Variants in DLGAP2 observed in about 807,000 individuals in gnomAD.
DLGAP2 encodes the protein DLG associated protein 2, also known as disks large-associated protein 2.
In DLGAP2, 26 loss-of-function variants were observed where a neutral mutation model predicts 100.3. That is an observed-to-expected ratio of 0.26 (90% CI 0.19 to 0.36). DLGAP2 has a LOEUF of 0.36. Ranked by LOEUF, DLGAP2 falls within the 10% of genes least tolerant of loss-of-function variation. DLGAP2 has a pLI of 1.00. For missense variants in DLGAP2, 1,858 were observed against 1,453.2 expected (o/e 1.28, Z -4.53); for synonymous variants, 886 against 630.1 (o/e 1.41, Z -6.08).
chr8:1,197,506 G>A (rs775239740), intron 2 of DLGAP2, among the ~76,000 whole-genome samples: 17 of 152,232 alleles, frequency 1.1e-4, no homozygotes, highest in African/African-American at 1.7e-4. Context: ...ACATGGATGC[G>A]GAGCAGCTGG....
intron 3 of DLGAP2, among the ~76,000 whole-genome samples, chr8:1,329,642 G>T (rs1025418645): frequency 1.3e-5 from 2 of 152,106 alleles, no homozygotes; most frequent in Non-Finnish European, 2.9e-5. Flanking sequence ...ATGAACATGG[G>T]CCCTAAGTGA....
At chr8:1,512,439 C>T (rs572314193) in intron 4 of DLGAP2, among the ~76,000 whole-genome samples, 12 of 152,252 alleles carry the variant, frequency 7.9e-5, no homozygotes, top group African/African-American at 2.4e-4. Flanking sequence ...GGGTGTCAGC[C>T]GTGGGTGTGG....
At chr8:1,150,182 A>T (rs901187332) in intron 2 of DLGAP2, among the ~76,000 whole-genome samples, 2 of 152,046 alleles carry the variant, frequency 1.3e-5, no homozygotes, top group Non-Finnish European at 2.9e-5. Flanking sequence ...AATTCTCTCA[A>T]TTTTTGTTTG....
chr8:1,278,046 C>T (rs945359542), intron 3 of DLGAP2, among the ~76,000 whole-genome samples: 1 of 152,172 alleles, frequency 6.6e-6, no homozygotes, highest in East Asian at 1.9e-4. Flanking sequence ...TCTCAGTAGT[C>T]TCTTGCAATT....
At chr8:1,504,575 C>T (rs901779296) in intron 4 of DLGAP2, among the ~76,000 whole-genome samples, 1 of 152,178 alleles carries the variant, frequency 6.6e-6, no homozygotes, top group Non-Finnish European at 1.5e-5. Flanking sequence ...CTCTGTTGAC[C>T]ACTGTTCTAC....
At chr8:779,119 AC>A (rs1342561579) in intron 1 of DLGAP2, among the ~76,000 whole-genome samples, 1 of 152,118 alleles carries the variant, frequency 6.6e-6, no homozygotes, top group African/African-American at 2.4e-5. Context: ...GCCGTCCGTC[AC>A]CCCTTTCTTT....
intron 2 of DLGAP2, among the ~76,000 whole-genome samples, chr8:977,959 A>G (rs56127110): frequency 0.023 from 172 of 7,498 alleles, 3 homozygotes; most frequent in African/African-American, 0.067. Flanking sequence ...TGCAGTGAGG[A>G]GCTGGGTTCT....
chr8:1,669,464 C>G (rs868679734), intron 9 of DLGAP2, among the ~76,000 whole-genome samples: 1 of 152,236 alleles, frequency 6.6e-6, no homozygotes, highest in Admixed American at 6.5e-5. Context: ...ATCTGGCGGA[C>G]GTGGTTGAGC....
chr8:1,198,484 C>T (rs570122076), intron 2 of DLGAP2, among the ~76,000 whole-genome samples: 2 of 152,116 alleles, frequency 1.3e-5, no homozygotes, highest in East Asian at 3.9e-4. Flanking sequence ...GGAGCCAGGG[C>T]CTGTGGTCCA....
chr8:836,204 G>A (rs1401584239), intron 1 of DLGAP2, among the ~76,000 whole-genome samples: 2 of 152,130 alleles, frequency 1.3e-5, no homozygotes, highest in Non-Finnish European at 2.9e-5. Context: ...CCGGGGACTC[G>A]GCCGGAAAGC....
intron 2 of DLGAP2, among the ~76,000 whole-genome samples, chr8:1,252,733 C>A (rs748896400): frequency 7.2e-5 from 11 of 152,244 alleles, no homozygotes; most frequent in Non-Finnish European, 1.3e-4. Context: ...GCCAGGCAGG[C>A]CTGCTGTCAT....
At chr8:1,065,663 C>A (rs1484998380) in intron 2 of DLGAP2, among the ~76,000 whole-genome samples, 1 of 152,182 alleles carries the variant, frequency 6.6e-6, no homozygotes, top group African/African-American at 2.4e-5. Flanking sequence ...TTATGCTCGT[C>A]TTCCTTCCAA....
chr8:847,234 C>T (rs1797087701), intron 1 of DLGAP2, among the ~76,000 whole-genome samples: 1 of 152,092 alleles, frequency 6.6e-6, no homozygotes, highest in Non-Finnish European at 1.5e-5. Context: ...TGAACTTTTC[C>T]ATATTATCTT....
chr8:818,679 G>T (rs1178693599), intron 1 of DLGAP2, among the ~76,000 whole-genome samples: 1 of 152,168 alleles, frequency 6.6e-6, no homozygotes, highest in African/African-American at 2.4e-5. Flanking sequence ...CTGTTTAAAA[G>T]AACATGTGCA....
chr8:1,276,389 T>G (rs955961280), intron 3 of DLGAP2, among the ~76,000 whole-genome samples: 6 of 152,068 alleles, frequency 3.9e-5, no homozygotes, highest in African/African-American at 1.2e-4. Flanking sequence ...TGGAACCGTT[T>G]TGGATCTTGG....
intron 3 of DLGAP2, among the ~76,000 whole-genome samples, chr8:1,310,436 T>G (rs1329162525): frequency 6.6e-6 from 1 of 152,182 alleles, no homozygotes; most frequent in African/African-American, 2.4e-5. Flanking sequence ...GAGGCTGGAA[T>G]GAACCACTTT....
rs553173555 is a variant in DLGAP2, at chr8:1,527,122, G to A, written c.173-21504G>A. 1.0e-3 allele frequency among the ~76,000 whole-genome samples: 154 copies of A among 151,906 alleles called. 2 individuals carry two copies. In the South Asian group the frequency reaches 0.03, roughly 29 times the overall value. ...CACAGCTTCACATCGTCTACACCGC[G>A]GGCTCACGTTCACACGCCCTATCCA... On this transcript the variant is annotated intron_variant, in intron 4 of 14. Coordinates refer to ENST00000637795, the MANE Select transcript of DLGAP2 (RefSeq NM_001346810.2).
chr8:1,328,291 C>T (rs1260518709), intron 3 of DLGAP2, among the ~76,000 whole-genome samples: 2 of 151,872 alleles, frequency 1.3e-5, no homozygotes, highest in African/African-American at 4.8e-5. Context: ...CCACCCACTT[C>T]AGCCTCCCAA....
intron 2 of DLGAP2, among the ~76,000 whole-genome samples, chr8:918,279 T>C (rs1584888977): frequency 6.6e-6 from 1 of 152,216 alleles, no homozygotes; most frequent in South Asian, 2.1e-4. Flanking sequence ...TGTTTTAAAA[T>C]ATGCCTCTGT....
Sources: gnomAD v4.1 joint callset for allele counts (sites outside exome capture counted in the v4.1 genomes callset) on GRCh38, gnomAD v4.1.1 for gene constraint, MANE v1.5 for transcripts, NCBI Gene and HGNC (gene_info 2026-07-23, HGNC 2026-07-21) for gene names.